The following ACOT12 variants were observed in gnomAD, a reference collection of about 807,000 sequenced individuals.
The protein encoded by ACOT12 is acetyl-coenzyme A thioesterase.
In ACOT12, 51 loss-of-function variants were observed where a neutral mutation model predicts 67.7. The ratio of observed to expected loss-of-function variants is 0.75; its 90% confidence interval spans 0.60 to 0.95. The LOEUF is 0.95. ACOT12 is among the 40% of genes least tolerant of loss of function. The pLI is 0.00. For synonymous variants in ACOT12, 251 were observed against 244.6 expected (o/e 1.03, Z -0.24); for missense variants, 734 against 708.1 (o/e 1.04, Z -0.41).
In ACOT12 at chr5:81,385,819, T is replaced by C; in HGVS notation, c.135A>G (p.Lys45=). Residue 45 remains lysine (K), a synonymous_variant, in exon 2 of 15, where the codon AAA becomes AAG. Coordinates refer to ENST00000307624, the MANE Select transcript of ACOT12 (RefSeq NM_130767.3). ...IDTTACLAAE[K]HAGVSCVTAS... ...CTGTAACGCAGGAAACTCCAGCATG[T>C]TTCTCAGCTTCAAAAAATACATAAA... 1 of 1,614,008 alleles carries C rather than the reference T, an allele frequency of 6.2e-7. No individual in the cohort carries two copies. Among genetic ancestry groups the C allele is most frequent in the Non-Finnish European group, 8.5e-7 (1 of 1,179,982 alleles).
chr5:81,330,533 A>G lies in ACOT12; in HGVS notation c.1529T>C (p.Phe510Ser), dbSNP rs374342286. 11 of 1,613,290 alleles carry G rather than the reference A, an allele frequency of 6.8e-6. No homozygotes were observed. Among genetic ancestry groups the G allele is most frequent in the African/African-American group, 1.3e-5 (1 of 74,860 alleles). The change falls in exon 15 of 15, where the codon TTT becomes TCT. Residue 510 changes from phenylalanine to serine, a missense_variant. Transcript: ENST00000307624. Reference protein sequence around the residue: ...IDSNSCIVSYFNHMSASILPY... With the variant: ...IDSNSCIVSYSNHMSASILPY... ...AAGGATGCTAGCAGACATATGGTTA[A>G]AGTAAGATACCTGTTTCAAAAAGAA...
intron 5 of ACOT12, among the ~76,000 whole-genome samples, chr5:81,350,514 T>C (rs1009972662): frequency 8.5e-5 from 13 of 152,238 alleles, no homozygotes; most frequent in African/African-American, 3.1e-4. Context: ...GCTTTATTTC[T>C]ATCTTTTATG....
At chr5:81,362,376 G>A (rs577759299) in intron 4 of ACOT12, among the ~76,000 whole-genome samples, 1 of 152,154 alleles carries the variant, frequency 6.6e-6, no homozygotes, top group African/African-American at 2.4e-5. Context: ...ATGTTGGCCA[G>A]GCTGGTCTTG....
intron 5 of ACOT12, among the ~76,000 whole-genome samples, chr5:81,357,651 C>T (rs952407590): frequency 2.0e-5 from 3 of 152,066 alleles, no homozygotes; most frequent in African/African-American, 7.2e-5. Flanking sequence ...CGAGGGATGA[C>T]TTGGAGAGGA....
chr5:81,320,470 T>C, the ACOT12 span, among the ~76,000 whole-genome samples: 1 of 152,126 alleles, frequency 6.6e-6, no homozygotes, highest in Non-Finnish European at 1.5e-5. Flanking sequence ...GGGAGAAAAA[T>C]TGTCCACTAT....
chr5:81,341,436 C>A (rs897571196), intron 11 of ACOT12, among the ~76,000 whole-genome samples: 1 of 152,220 alleles, frequency 6.6e-6, no homozygotes, highest in Non-Finnish European at 1.5e-5. Context: ...TATAATTTAT[C>A]ATCCAAACTG....
At chr5:81,373,199 G>A (rs1441685195) in intron 2 of ACOT12, among the ~76,000 whole-genome samples, 1 of 152,192 alleles carries the variant, frequency 6.6e-6, no homozygotes, top group Non-Finnish European at 1.5e-5. Flanking sequence ...TGGACAGTGG[G>A]TGCAGCCCAT....
chr5:81,329,841 G>A (rs369845060), downstream of ACOT12, among the ~76,000 whole-genome samples: 12 of 125,542 alleles, frequency 9.6e-5, no homozygotes, highest in Non-Finnish European at 1.4e-4. Flanking sequence ...ATGACACAAA[G>A]TTGTTCTTAT....
rs1758984036 is a variant in ACOT12 at position 81,335,910 on chromosome 5, C to T, written c.1129-9G>A. ...AGAGTATATATTTTTATCTAAAAGA[C>T]AACAAAAAAATTAAATTACGAAAGA... On this transcript the variant is annotated splice_polypyrimidine_tract_variant and intron_variant, in intron 11 of 14. Transcript: ENST00000307624. The T allele has an allele frequency of 6.3e-7, 1 of 1,589,090 alleles. No homozygotes were observed. The highest frequency in any genetic ancestry group is 8.5e-7 in the Non-Finnish European group (1 of 1,172,272).
intron 3 of ACOT12, among the ~76,000 whole-genome samples, chr5:81,364,787 A>G (rs750286408): frequency 1.3e-5 from 2 of 152,206 alleles, no homozygotes; most frequent in Non-Finnish European, 2.9e-5. Flanking sequence ...ATGATTACTA[A>G]ATATGCTTTT....
At chr5:81,384,434 G>A (rs1760673915) in intron 2 of ACOT12, among the ~76,000 whole-genome samples, 1 of 151,970 alleles carries the variant, frequency 6.6e-6, no homozygotes, top group African/African-American at 2.4e-5. Flanking sequence ...CACCACGCCT[G>A]GCCAGGTGTA....
chr5:81,365,010 T>C (rs1293908306), intron 3 of ACOT12, among the ~76,000 whole-genome samples: 1 of 152,164 alleles, frequency 6.6e-6, no homozygotes, highest in East Asian at 1.9e-4. Flanking sequence ...AATAAGAAGG[T>C]AGCTGAGACA....
intron 2 of ACOT12, among the ~76,000 whole-genome samples, chr5:81,381,068 CTTTT>C (rs754165884): frequency 2.1e-5 from 3 of 142,316 alleles, no homozygotes. Context: ...GTATTAAAAC[CTTTT>C]TTTTTTTTTT....
At chr5:81,377,652 C>G (rs189849640) in intron 2 of ACOT12, among the ~76,000 whole-genome samples, 1 of 152,320 alleles carries the variant, frequency 6.6e-6, no homozygotes, top group African/African-American at 2.4e-5. Flanking sequence ...TCTCAAGATA[C>G]AAAATCAATG....
Position 81,335,803 on chromosome 5 carries a change from G to A in ACOT12, c.1227C>T (p.Asp409=), listed in dbSNP as rs1340093706. ...PAHLAYRLLS[D]FTKRPLWDPH... ...GGTCCCACAAAGGTCGCTTTGTAAAGTCAGACAAGAGACGATAAGCCAAAT... is the reference window on the plus strand; with the variant it reads ...GGTCCCACAAAGGTCGCTTTGTAAAATCAGACAAGAGACGATAAGCCAAAT... Residue 409 remains aspartate, a synonymous_variant, in exon 12 of 15, where the codon GAC becomes GAT. Transcript: ENST00000307624. 4 of 1,613,266 alleles carry A rather than the reference G, an allele frequency of 2.5e-6. No individual in the cohort carries two copies. The highest frequency in any genetic ancestry group is 1.7e-5 in the Admixed American group (1 of 59,814).
intron 2 of ACOT12, among the ~76,000 whole-genome samples, chr5:81,377,918 A>T (rs2153857620): frequency 6.6e-6 from 1 of 152,328 alleles, no homozygotes; most frequent in South Asian, 2.1e-4. Context: ...TGCCCAAAGT[A>T]ATTTATAGAT....
rs1173345686 is a variant in ACOT12 at position 81,371,119 on chromosome 5, AG to A, written c.258+630del. Among the ~76,000 whole-genome samples, 9 of 152,358 alleles carry A rather than the reference AG, an allele frequency of 5.9e-5. No individual in the cohort carries two copies. In the South Asian group the frequency reaches 1.9e-3, roughly 32 times the overall value. On this transcript the variant is annotated intron_variant, in intron 3 of 14. Coordinates refer to ENST00000307624, the MANE Select transcript of ACOT12 (RefSeq NM_130767.3). Reference sequence around the variant, plus strand: ...ACAGAATTAGAATAATAGTAGAGTCAGCATAATTAAGAAATAAAAACCATGC... The same window carrying A: ...ACAGAATTAGAATAATAGTAGAGTCACATAATTAAGAAATAAAAACCATGC...
At chr5:81,313,954 A>C in the ACOT12 span, among the ~76,000 whole-genome samples, 4 of 152,332 alleles carry the variant, frequency 2.6e-5, no homozygotes, top group South Asian at 2.1e-4. Flanking sequence ...TTAGTCATCT[A>C]GTCCGAACGC....
chr5:81,322,488 C>T, the ACOT12 span, among the ~76,000 whole-genome samples: 2 of 148,300 alleles, frequency 1.3e-5, no homozygotes, highest in Non-Finnish European at 3.0e-5. Context: ...ACCCCACATA[C>T]ATGTTAGATA....
Sources: gnomAD v4.1 joint callset for allele counts (sites outside exome capture counted in the v4.1 genomes callset) on GRCh38, gnomAD v4.1.1 for gene constraint, MANE v1.5 for transcripts, NCBI Gene and HGNC (gene_info 2026-07-23, HGNC 2026-07-21) for gene names.